The following CNTN5 variants were observed in gnomAD, a reference collection of about 807,000 sequenced individuals.
CNTN5 encodes contactin-5.
CNTN5 carries 77 observed loss-of-function variants against 129.1 expected under a neutral mutation model. The ratio of observed to expected loss-of-function variants is 0.60; its 90% CI spans 0.50 to 0.72. The LOEUF is 0.72. Among genes scored for constraint, CNTN5 ranks in the 30% least tolerant of loss-of-function variants. The pLI is 0.00. For synonymous variants in CNTN5, 509 were observed against 465.6 expected (o/e 1.09, Z -1.20); for missense variants, 1,478 against 1,328.8 (o/e 1.11, Z -1.75).
chr11:99,559,159 A>G (rs1037756674), intron 3 of CNTN5, among the ~76,000 whole-genome samples: 3 of 152,066 alleles, frequency 2.0e-5, no homozygotes, highest in African/African-American at 7.2e-5. Flanking sequence ...CTGTATATGA[A>G]TGTCACATTA....
At chr11:99,177,378 A>G (rs1857827895) in intron 1 of CNTN5, among the ~76,000 whole-genome samples, 2 of 152,188 alleles carry the variant, frequency 1.3e-5, no homozygotes, top group Non-Finnish European at 2.9e-5. Flanking sequence ...ACACCCAGTA[A>G]ATATTTGTTG....
chr11:99,259,445 A>C (rs1862529388), intron 1 of CNTN5, among the ~76,000 whole-genome samples: 1 of 151,862 alleles, frequency 6.6e-6, no homozygotes, highest in Admixed American at 6.6e-5. Flanking sequence ...TGTCTTCATT[A>C]CTCAATGACA....
In CNTN5 at chr11:99,826,898, G is replaced by A. The variant is rs576599760; in HGVS notation, c.277+7133G>A. On this transcript the variant is annotated intron_variant, in intron 4 of 24. Transcript: ENST00000524871. ...CTCTCATGGGAGGAAGGAAGTAAGG[G>A]GGGGATCAGAAAGATGCTTTCACAT... 7.9e-5 allele frequency among the ~76,000 whole-genome samples: 12 copies of A among 152,222 alleles called. No homozygotes were observed. In the South Asian group the frequency reaches 2.5e-3, roughly 32 times the overall value.
chr11:99,417,415 CTT>C lies in CNTN5; in HGVS notation c.-71+91932_-71+91933del, dbSNP rs1267631450. Among the ~76,000 whole-genome samples the C allele has an allele frequency of 2.6e-5, 4 of 152,106 alleles. No homozygotes were observed. The East Asian group carries it at 7.7e-4, about 29-fold the overall frequency. Reference sequence around the variant, plus strand: ...ACATAAGTGAATATGTTAATCTACACTTAGTATACAACAAAACACTATTCACA... The same window carrying C: ...ACATAAGTGAATATGTTAATCTACACAGTATACAACAAAACACTATTCACA... On this transcript the variant is annotated intron_variant, in intron 2 of 24. Transcript: ENST00000524871.
chr11:99,925,304 A>G (rs1411153955), intron 7 of CNTN5, among the ~76,000 whole-genome samples: 4 of 152,200 alleles, frequency 2.6e-5, no homozygotes, highest in African/African-American at 7.2e-5. Flanking sequence ...TTTGCAGACT[A>G]AACTTATTTT....
At chr11:99,369,411 C>A (rs1398192304) in intron 2 of CNTN5, among the ~76,000 whole-genome samples, 1 of 151,124 alleles carries the variant, frequency 6.6e-6, no homozygotes, top group Non-Finnish European at 1.5e-5. Context: ...TTAACCCTGG[C>A]ATTACACTGA....
At chr11:99,534,574 C>G (rs1591235913) in intron 2 of CNTN5, among the ~76,000 whole-genome samples, 1 of 152,148 alleles carries the variant, frequency 6.6e-6, no homozygotes, top group Admixed American at 6.5e-5. Context: ...GTAGTTTACA[C>G]ACACTCATAC....
chr11:99,921,152 G>T (rs1367692295), intron 7 of CNTN5, among the ~76,000 whole-genome samples: 2 of 152,162 alleles, frequency 1.3e-5, no homozygotes, highest in South Asian at 4.1e-4. Flanking sequence ...CATCCAGTCT[G>T]TGGCACGTTG....
At chr11:99,713,824 A>C (rs1955104676) in intron 3 of CNTN5, among the ~76,000 whole-genome samples, 1 of 151,984 alleles carries the variant, frequency 6.6e-6, no homozygotes, top group Admixed American at 6.6e-5. Flanking sequence ...TGAAGAAAGA[A>C]TCCTTGCTGT....
intron 2 of CNTN5, among the ~76,000 whole-genome samples, chr11:99,441,502 G>A (rs748867222): frequency 1.5e-4 from 23 of 152,100 alleles, no homozygotes; most frequent in Non-Finnish European, 1.9e-4. Flanking sequence ...TGTGAATAAT[G>A]TTCTGGCATA....
intron 1 of CNTN5, among the ~76,000 whole-genome samples, chr11:99,250,752 A>G (rs1862057902): frequency 1.3e-5 from 2 of 151,804 alleles, no homozygotes; most frequent in Non-Finnish European, 2.9e-5. Flanking sequence ...ATCTTTGGTT[A>G]TTATCATATC....
At chr11:99,094,494 C>G (rs543011797) in intron 1 of CNTN5, among the ~76,000 whole-genome samples, 1 of 152,020 alleles carries the variant, frequency 6.6e-6, no homozygotes, top group Non-Finnish European at 1.5e-5. Context: ...TAGGTAGAAA[C>G]AAAATCTCAG....
intron 2 of CNTN5, among the ~76,000 whole-genome samples, chr11:99,368,770 A>C (rs1047336100): frequency 3.9e-5 from 6 of 152,152 alleles, no homozygotes; most frequent in African/African-American, 1.4e-4. Context: ...TGTGTTGCCA[A>C]AGCAAATAGT....
intron 3 of CNTN5, among the ~76,000 whole-genome samples, chr11:99,593,957 CCT>C (rs1243563874): frequency 6.6e-6 from 1 of 152,148 alleles, no homozygotes; most frequent in African/African-American, 2.4e-5. Context: ...TGAAGTGTGT[CCT>C]CTCTTTTATA....
chr11:99,267,576 G>A (rs1862963305), intron 1 of CNTN5, among the ~76,000 whole-genome samples: 1 of 151,812 alleles, frequency 6.6e-6, no homozygotes, highest in Admixed American at 6.6e-5. Context: ...CTTGGTCAAG[G>A]CAATATTGAT....
intron 8 of CNTN5, among the ~76,000 whole-genome samples, chr11:99,959,566 A>G (rs546144139): frequency 3.9e-5 from 6 of 152,298 alleles, no homozygotes; most frequent in Admixed American, 3.3e-4. Flanking sequence ...TGCTTCTTAT[A>G]TAACAGAATT....
chr11:99,670,634 T>C (rs1044760890), intron 3 of CNTN5, among the ~76,000 whole-genome samples: 3 of 152,180 alleles, frequency 2.0e-5, no homozygotes, highest in Middle Eastern at 3.2e-3. Flanking sequence ...TGTTCACCAT[T>C]TTCTCTACTA....
chr11:100,004,598 A>T (rs942568117), intron 9 of CNTN5, among the ~76,000 whole-genome samples: 1 of 152,206 alleles, frequency 6.6e-6, no homozygotes, highest in African/African-American at 2.4e-5. Context: ...CAACTCAGAC[A>T]TTTCAATAGA....
At chr11:99,634,060 C>T (rs1056977905) in intron 3 of CNTN5, among the ~76,000 whole-genome samples, 3 of 152,032 alleles carry the variant, frequency 2.0e-5, no homozygotes, top group Admixed American at 6.6e-5. Context: ...AAGAGATCCT[C>T]GGGTTTGTGT....
Sources: gnomAD v4.1 joint callset for allele counts (sites outside exome capture counted in the v4.1 genomes callset) on GRCh38, gnomAD v4.1.1 for gene constraint, MANE v1.5 for transcripts, NCBI Gene and HGNC (gene_info 2026-07-23, HGNC 2026-07-21) for gene names.